The following SIK2 variants were observed in gnomAD, a reference collection of about 807,000 sequenced individuals.
SIK2 encodes the protein serine/threonine-protein kinase SIK2.
In SIK2, 29 loss-of-function variants were observed where a neutral mutation model predicts 103.2. That is an observed-to-expected ratio of 0.28 (90% CI 0.21 to 0.38). The LOEUF (loss-of-function observed/expected upper bound fraction) is 0.38. Among genes scored for constraint, SIK2 ranks in the 10% least tolerant of loss-of-function variants. SIK2 has a pLI of 1.00. For synonymous variants in SIK2, 412 were observed against 446.1 expected, an observed-to-expected ratio of 0.92 and a Z score of 0.96; for missense variants, 879 against 1,171.0, an observed-to-expected ratio of 0.75 and a Z score of 3.64.
chr11:111,722,846 C>T lies in SIK2; in HGVS notation c.2147+90C>T. On this transcript the variant is annotated intron_variant, in intron 14 of 14. Transcript: ENST00000304987. The surrounding 1 kb of genome is among the most constrained non-coding windows in gnomAD (Gnocchi z 4.4). ...TGTTGTCCTTTTCCTCTCACATTCG[C>T]CACTACTAGGAAAATAGGTTTTCTG... is the stretch of plus-strand genomic sequence containing the variant. The T allele has an allele frequency of 8.3e-7, 1 of 1,201,238 alleles. No homozygotes were observed. The highest frequency in any genetic ancestry group is 1.3e-5 in the South Asian group (1 of 75,126). The allele number at this position is 1,201,238 out of a possible 1,614,324, so 74.4% of individuals were successfully genotyped here. A position where few individuals can be genotyped will look rare whatever the true frequency, so the allele number is the denominator to read the frequency against.
In SIK2 at chr11:111,730,662, T is replaced by C. The variant is rs966912151; in HGVS notation, c.*6533T>C. 1.7e-4 allele frequency: 26 copies of C among 152,228 alleles called. No individual in the cohort carries two copies. Among genetic ancestry groups the C allele is most frequent in the African/African-American group, 5.8e-4 (24 of 41,528 alleles). 9.4% of individuals were successfully genotyped at this position (152,228 alleles called of 1,614,324 possible). On this transcript the variant is annotated 3_prime_UTR_variant, in exon 15 of 15. Coordinates refer to ENST00000304987, the MANE Select transcript of SIK2 (RefSeq NM_015191.3). ...TTGGTATTATGAGTGCAAATCATAA[T>C]AGCTCCAATGTGAAAAAAAAAATCA... is the stretch of plus-strand genomic sequence containing the variant.
rs980316318 is a variant in SIK2 at position 111,688,016 on chromosome 11, A to G, written c.332A>G (p.His111Arg). The G allele has an allele frequency of 3.1e-6, 5 of 1,614,032 alleles. No homozygotes were observed. Among genetic ancestry groups the G allele is most frequent in the Non-Finnish European group, 4.2e-6 (5 of 1,180,026 alleles). ...NGEIFDYLAN[H>R]GRLNESEARR... ...TCATTTACAGACTATCTTGCTAATC[A>G]TGGCCGGTTAAATGAGTCTGAAGCC... is the stretch of plus-strand genomic sequence containing the variant. Residue 111 changes from histidine to arginine, a missense_variant, in exon 4 of 15, where the codon CAT (histidine) becomes CGT (arginine). Coordinates refer to ENST00000304987, the MANE Select transcript of SIK2 (RefSeq NM_015191.3). This position sits in a 1 kb window ranked among gnomAD's most constrained non-coding sequence, Gnocchi z 4.2.
chr11:111,672,993 G>A (rs1332172002), intron 3 of SIK2, among the ~76,000 whole-genome samples: 1 of 152,124 alleles, frequency 6.6e-6, no homozygotes, highest in Non-Finnish European at 1.5e-5. Context: ...GTTTCCCTAC[G>A]AATAATGATT....
intron 4 of SIK2, among the ~76,000 whole-genome samples, chr11:111,692,585 A>T (rs1170885068): frequency 6.6e-6 from 1 of 152,130 alleles, no homozygotes; most frequent in Non-Finnish European, 1.5e-5. Flanking sequence ...CACGTGCTAT[A>T]AAGTGTTTAG....
intron 3 of SIK2, among the ~76,000 whole-genome samples, chr11:111,678,787 T>A (rs1942739896): frequency 1.3e-5 from 2 of 152,062 alleles, no homozygotes; most frequent in Non-Finnish European, 2.9e-5. Flanking sequence ...GAAAAAAAAA[T>A]TGCTATGTGT....
At chr11:111,652,180 A>C (rs140807334) in intron 3 of SIK2, among the ~76,000 whole-genome samples, 20 of 152,332 alleles carry the variant, frequency 1.3e-4, no homozygotes, top group African/African-American at 4.6e-4. Context: ...TACATATGTG[A>C]AACAATGTAA....
chr11:111,665,383 G>A (rs1330484763), intron 3 of SIK2, among the ~76,000 whole-genome samples: 2 of 152,026 alleles, frequency 1.3e-5, no homozygotes, highest in Non-Finnish European at 1.5e-5. Flanking sequence ...TGCTTCTGAG[G>A]TTGGAGGAAA....
At chr11:111,710,552 T>C (rs1237631410) in intron 8 of SIK2, among the ~76,000 whole-genome samples, 1 of 152,176 alleles carries the variant, frequency 6.6e-6, no homozygotes, top group African/African-American at 2.4e-5. Flanking sequence ...CTAGGAACCG[T>C]TAGTATTTGA....
chr11:111,616,080 G>C (rs1271237878), intron 1 of SIK2, among the ~76,000 whole-genome samples, 163 bp from the exon 2 acceptor site: 1 of 152,174 alleles, frequency 6.6e-6, no homozygotes, highest in Admixed American at 6.5e-5. Context: ...CATGGTATTA[G>C]TTTAAGAAAT....
At chr11:111,617,821 G>A (rs1004028695) in intron 2 of SIK2, among the ~76,000 whole-genome samples, 2 of 151,698 alleles carry the variant, frequency 1.3e-5, no homozygotes, top group African/African-American at 4.8e-5. Context: ...CACCATATGT[G>A]CCATGTGTGT....
intron 3 of SIK2, among the ~76,000 whole-genome samples, chr11:111,635,428 GAGGA>G (rs1261685402): frequency 1.3e-4 from 15 of 115,946 alleles, no homozygotes; most frequent in African/African-American, 3.3e-4. Flanking sequence ...AGGGAGGGGG[GAGGA>G]AGGAAGGAAG....
intron 3 of SIK2, among the ~76,000 whole-genome samples, chr11:111,674,628 A>C (rs992310729): frequency 1.3e-5 from 2 of 152,232 alleles, no homozygotes; most frequent in African/African-American, 4.8e-5. Flanking sequence ...AAAATACCAC[A>C]ATCGTAAATT....
At chr11:111,695,109 T>C (rs1943039276) in intron 4 of SIK2, among the ~76,000 whole-genome samples, 1 of 152,214 alleles carries the variant, frequency 6.6e-6, no homozygotes, top group South Asian at 2.1e-4. Context: ...TCTATCACTC[T>C]CCACCTCTCA....
chr11:111,602,789 G>A lies in SIK2; in HGVS notation c.135+91G>A. 1 of 1,395,396 alleles carries A rather than the reference G, an allele frequency of 7.2e-7. No homozygotes were observed. The highest frequency in any genetic ancestry group is 9.3e-7 in the Non-Finnish European group (1 of 1,077,832). The allele number at this position is 1,395,396 out of a possible 1,614,324, so 86.4% of individuals were successfully genotyped here. ...GGGGCGGCCGCAGTGGTGGGACCGG[G>A]GAGACCCGAGAGGCCGCCTCACTGG... On this transcript the variant is annotated intron_variant, in intron 1 of 14. Coordinates refer to ENST00000304987, the MANE Select transcript of SIK2 (RefSeq NM_015191.3). This position sits in a 1 kb window ranked among gnomAD's most constrained non-coding sequence, Gnocchi z 4.5.
chr11:111,682,552 A>AT (rs1006253735), intron 3 of SIK2, among the ~76,000 whole-genome samples: 1 of 152,340 alleles, frequency 6.6e-6, no homozygotes, highest in East Asian at 1.9e-4. Flanking sequence ...AGAAAATGTC[A>AT]TTTTTTAAGA....
At position 111,722,709 on chromosome 11, in the gene SIK2, T is replaced by C; in HGVS notation, c.2100T>C (p.Tyr700=). 4 of 1,614,164 alleles carry C rather than the reference T, an allele frequency of 2.5e-6. No homozygotes were observed. The highest frequency in any genetic ancestry group is 3.4e-6 in the Non-Finnish European group (4 of 1,180,006). ...LSKAQNTCQL[Y]CKEPPRSLEQ... Reference sequence around the variant, plus strand: ...AGGCCCAGAACACCTGTCAGCTTTATTGCAAAGAACCACCGCGGAGCCTTG... The same window carrying C: ...AGGCCCAGAACACCTGTCAGCTTTACTGCAAAGAACCACCGCGGAGCCTTG... The change falls in exon 14 of 15, where the codon TAT becomes TAC. Residue 700 remains tyrosine (Y), a synonymous_variant. Transcript: ENST00000304987. This position sits in a 1 kb window ranked among gnomAD's most constrained non-coding sequence, Gnocchi z 4.4.
chr11:111,664,228 T>G (rs367555311), intron 3 of SIK2, among the ~76,000 whole-genome samples: 27 of 152,330 alleles, frequency 1.8e-4, no homozygotes, highest in African/African-American at 6.5e-4. Flanking sequence ...TTTCAGAGTT[T>G]TGGGGGGCAA....
At chr11:111,673,934 C>T (rs1048823747) in intron 3 of SIK2, among the ~76,000 whole-genome samples, 1 of 151,872 alleles carries the variant, frequency 6.6e-6, no homozygotes. Flanking sequence ...ATTAGCCAGG[C>T]GTGGTGGCAC....
intron 3 of SIK2, among the ~76,000 whole-genome samples, chr11:111,668,273 A>C (rs957789111): frequency 1.3e-5 from 2 of 152,176 alleles, no homozygotes; most frequent in African/African-American, 4.8e-5. Flanking sequence ...GTAAATGCTT[A>C]AGGATTCATC....
Sources: allele counts gnomAD v4.1 joint callset (sites outside exome capture counted in the v4.1 genomes callset), GRCh38; gene constraint gnomAD v4.1.1; non-coding constraint Gnocchi (gnomAD v3.1); transcripts MANE v1.5; gene names NCBI Gene and HGNC (gene_info 2026-07-23, HGNC 2026-07-21).